The following MYO1D variants were observed in gnomAD, a reference collection of about 807,000 sequenced individuals.
The protein encoded by MYO1D is unconventional myosin-Id.
In MYO1D, 83 loss-of-function variants were observed where a neutral mutation model predicts 122.0. That is an observed-to-expected ratio of 0.68 (90% confidence interval 0.57 to 0.82). MYO1D has a LOEUF of 0.82. Ranked by LOEUF, MYO1D falls within the 40% of genes least tolerant of loss-of-function variation. The pLI, the probability that MYO1D is intolerant of heterozygous loss-of-function variation, is 0.00. For missense variants in MYO1D, 1,157 were observed against 1,269.5 expected, an observed-to-expected ratio of 0.91 and a Z score of 1.35; for synonymous variants, 464 against 446.9, an observed-to-expected ratio of 1.04 and a Z score of -0.48.
intron 1 of MYO1D, among the ~76,000 whole-genome samples, chr17:32,842,882 CTTTCT>C (rs2090896532): frequency 2.3e-5 from 3 of 127,710 alleles, no homozygotes; most frequent in African/African-American, 5.5e-5. Context: ...ATTTCTATTT[CTTTCT>C]TTTTTTTTTT....
At chr17:32,732,861 A>G (rs541721712) in intron 14 of MYO1D, among the ~76,000 whole-genome samples, 6 of 152,220 alleles carry the variant, frequency 3.9e-5, no homozygotes. Flanking sequence ...GAGCTCCCCA[A>G]GCCAGGGCTG....
At chr17:32,836,651 TTTG>T (rs1175097625) in intron 1 of MYO1D, among the ~76,000 whole-genome samples, 4 of 152,166 alleles carry the variant, frequency 2.6e-5, no homozygotes, top group Admixed American at 6.5e-5. Flanking sequence ...GTGTCACTAA[TTTG>T]TTATTTCATT....
chr17:32,656,664 A>G (rs950350891), intron 17 of MYO1D, among the ~76,000 whole-genome samples: 1 of 152,206 alleles, frequency 6.6e-6, no homozygotes, highest in Non-Finnish European at 1.5e-5. Flanking sequence ...TTTACTTCCT[A>G]TGGACAACCA....
intron 1 of MYO1D, among the ~76,000 whole-genome samples, chr17:32,837,269 A>T (rs2090836659): frequency 6.1e-5 from 8 of 130,868 alleles, no homozygotes; most frequent in East Asian, 2.4e-4. Flanking sequence ...TTTTTTTTTA[A>T]CTGGGCTGTT....
intron 16 of MYO1D, among the ~76,000 whole-genome samples, chr17:32,685,986 T>A (rs1234156072): frequency 1.3e-5 from 2 of 152,186 alleles, no homozygotes; most frequent in African/African-American, 2.4e-5. Context: ...GACTGTTATA[T>A]CCACCAAGTT....
rs887041775 is a variant in MYO1D at position 32,713,691 on chromosome 17, G to A, written c.1914-1496C>T. On this transcript the variant is annotated intron_variant, in intron 15 of 21. Transcript: ENST00000318217. Reference sequence around the variant, plus strand: ...GCTCTATCTATGAGTGCAGTGGTGCGATCTCAGCTCACTGCAACCCCCGCC... The same window carrying A: ...GCTCTATCTATGAGTGCAGTGGTGCAATCTCAGCTCACTGCAACCCCCGCC... 5.9e-5 allele frequency among the ~76,000 whole-genome samples: 9 copies of A among 152,104 alleles called. No homozygotes were observed. In the South Asian group the frequency reaches 6.2e-4, roughly 11 times the overall value.
chr17:32,648,033 G>A (rs921481190), intron 19 of MYO1D, among the ~76,000 whole-genome samples: 11 of 152,252 alleles, frequency 7.2e-5, no homozygotes, highest in African/African-American at 2.4e-4. Flanking sequence ...GGCCAACATG[G>A]TGAAACCCTG....
chr17:32,697,663 G>A (rs1001536536), intron 16 of MYO1D, among the ~76,000 whole-genome samples: 1 of 150,850 alleles, frequency 6.6e-6, no homozygotes, highest in Non-Finnish European at 1.5e-5. Flanking sequence ...AAAAGTCATC[G>A]ATCACTTTTT....
At chr17:32,852,440 T>C (rs546059869) in intron 1 of MYO1D, among the ~76,000 whole-genome samples, 1 of 152,330 alleles carries the variant, frequency 6.6e-6, no homozygotes, top group Admixed American at 6.5e-5. Flanking sequence ...TGTAAAGTTT[T>C]ACATTTGTTT....
intron 1 of MYO1D, among the ~76,000 whole-genome samples, chr17:32,858,811 G>A (rs1336506176): frequency 6.6e-6 from 1 of 152,128 alleles, no homozygotes; most frequent in Admixed American, 6.5e-5. Flanking sequence ...ATTAGTTTAT[G>A]TAAGTATGGA....
intron 1 of MYO1D, among the ~76,000 whole-genome samples, chr17:32,824,552 C>T (rs2090704743): frequency 6.6e-6 from 1 of 152,164 alleles, no homozygotes; most frequent in African/African-American, 2.4e-5. Context: ...CTCATTTAAT[C>T]CTCACAACCC....
intron 19 of MYO1D, among the ~76,000 whole-genome samples, chr17:32,652,496 T>C (rs2088406009): frequency 6.6e-6 from 1 of 152,218 alleles, no homozygotes; most frequent in Non-Finnish European, 1.5e-5. Flanking sequence ...TCTTCTTGGA[T>C]CAACCTAGTT....
At chr17:32,778,429 T>C (rs527363659) in intron 3 of MYO1D, 51 bp downstream of exon 3, 6 of 1,556,338 alleles carry the variant, frequency 3.9e-6, no homozygotes, top group African/African-American at 1.4e-5. Context: ...GCCAAGTCCA[T>C]AGAGAAAACA....
chr17:32,558,450 A>C (rs943873324), intron 21 of MYO1D, among the ~76,000 whole-genome samples: 2 of 152,256 alleles, frequency 1.3e-5, no homozygotes, highest in Admixed American at 6.5e-5. Context: ...ACAGAAAATC[A>C]GTAATGCACT....
intron 20 of MYO1D, among the ~76,000 whole-genome samples, chr17:32,634,583 G>A (rs865909938): frequency 2.6e-5 from 4 of 152,242 alleles, no homozygotes; most frequent in Non-Finnish European, 5.9e-5. Flanking sequence ...ATAGTGCGTG[G>A]CTGGAGGCAG....
chr17:32,594,659 T>A lies in MYO1D; in HGVS notation c.2864+10428A>T, dbSNP rs1434145001. 6 of 498,264 alleles carry A rather than the reference T, an allele frequency of 1.2e-5. No individual in the cohort carries two copies. The East Asian group carries it at 1.9e-4, about 15-fold the overall frequency. The allele number at this position is 498,264 out of a possible 1,614,324, so 30.9% of individuals were successfully genotyped here. On this transcript the variant is annotated intron_variant, in intron 21 of 21. Coordinates refer to ENST00000318217, the MANE Select transcript of MYO1D (RefSeq NM_015194.3). ...CTATATCTCTCTTACTGTTAATATCTTCCTTTATAGGCCTCCCAACTAAGG... is the reference window on the plus strand; with the variant it reads ...CTATATCTCTCTTACTGTTAATATCATCCTTTATAGGCCTCCCAACTAAGG...
At chr17:32,597,890 AAAG>A (rs1291992980) in intron 21 of MYO1D, among the ~76,000 whole-genome samples, 41 of 151,248 alleles carry the variant, frequency 2.7e-4, no homozygotes, top group Non-Finnish European at 2.4e-4. Context: ...AAAAAAAAAA[AAAG>A]AAATCTCGTT....
chr17:32,765,011 G>T lies in MYO1D; in HGVS notation c.902C>A (p.Ala301Glu). 1.9e-6 allele frequency: 3 copies of T among 1,614,014 alleles called. No homozygotes were observed. Among genetic ancestry groups the T allele is most frequent in the Non-Finnish European group, 2.5e-6 (3 of 1,179,914 alleles). ...ATCTGTCTTAGTAGAGAGCAATTCT[G>T]CTATGATAGATACTACTTTGCCATT... The part of the protein sequence containing the change: ...IENGKVVSII[A>E]ELLSTKTDMV... Residue 301 changes from alanine (A) to glutamate (E), a missense_variant, in exon 8 of 22, where the codon GCA (alanine) becomes GAA (glutamate). Physicochemically the swap from Ala to Glu is moderately radical, Grantham distance 107 (BLOSUM62 -1). Coordinates refer to ENST00000318217, the MANE Select transcript of MYO1D (RefSeq NM_015194.3).
chr17:32,876,683 G>T, intron 1 of MYO1D, 95 bp downstream of exon 1: 1 of 1,020,388 alleles, frequency 9.8e-7, no homozygotes, highest in Non-Finnish European at 1.4e-6. Flanking sequence ...TGGAGCTTGG[G>T]CGCTCCCGAC....
Sources: gnomAD v4.1 joint callset for allele counts (sites outside exome capture counted in the v4.1 genomes callset) on GRCh38, gnomAD v4.1.1 for gene constraint, MANE v1.5 for transcripts, NCBI Gene and HGNC (gene_info 2026-07-23, HGNC 2026-07-21) for gene names.